The following SYK variants were observed in gnomAD, a reference collection of about 807,000 sequenced individuals.
SYK encodes the protein tyrosine-protein kinase SYK.
Under a neutral mutation model 77.8 loss-of-function variants are expected in SYK, and 16 were observed. That is an observed-to-expected ratio of 0.21 (90% CI 0.14 to 0.31). The LOEUF (loss-of-function observed/expected upper bound fraction) is 0.31, where lower values mean the gene tolerates loss of function less well. SYK is among the 10% of genes least tolerant of loss of function. The pLI is 1.00. For synonymous variants in SYK, 312 were observed against 308.7 expected (o/e 1.01, Z -0.11); for missense variants, 529 against 814.4 (o/e 0.65, Z 4.26).
chr9:90,842,734 G>A (rs1366487887), intron 1 of SYK, among the ~76,000 whole-genome samples: 2 of 149,576 alleles, frequency 1.3e-5, no homozygotes, highest in East Asian at 4.0e-4. Flanking sequence ...TGGCATGCAT[G>A]TAGTGTGCAT....
At chr9:90,861,223 T>C (rs1255290314) in intron 3 of SYK, among the ~76,000 whole-genome samples, 1 of 152,092 alleles carries the variant, frequency 6.6e-6, no homozygotes, top group Admixed American at 6.5e-5. Context: ...TCCCCATGAG[T>C]CATAAGCCTT....
At chr9:90,860,103 C>T (rs905448111) in intron 3 of SYK, among the ~76,000 whole-genome samples, 11 of 152,258 alleles carry the variant, frequency 7.2e-5, no homozygotes, top group Non-Finnish European at 1.3e-4. Context: ...ATCCTCCTGC[C>T]TTGGCCTCCC....
chr9:90,844,299 A>G lies in SYK; in HGVS notation c.401A>G (p.Gln134Arg). The stretch of plus-strand genomic sequence containing the variant: ...AACCTCATCAGGGAATATGTGAAGC[A>G]GACATGGAACCTGCAGGTGGGCCAC... The part of the protein sequence containing the change: ...KENLIREYVK[Q>R]TWNLQGQALE... Residue 134 changes from glutamine to arginine, a missense_variant, in exon 2 of 14, where the codon CAG (glutamine) becomes CGG (arginine). Physicochemically the swap from Gln to Arg is conservative, Grantham distance 43. Transcript: ENST00000375754. 1 of 1,608,848 alleles carries G rather than the reference A, an allele frequency of 6.2e-7. No individual in the cohort carries two copies. The highest frequency in any genetic ancestry group is 8.5e-7 in the Non-Finnish European group (1 of 1,177,288).
intron 1 of SYK, among the ~76,000 whole-genome samples, chr9:90,832,670 TG>T (rs1351699010): frequency 6.6e-6 from 1 of 152,262 alleles, no homozygotes; most frequent in Non-Finnish European, 1.5e-5. Flanking sequence ...CAGCCTTTTT[TG>T]TCAACAATTC....
At chr9:90,875,017 G>A (rs972573693) in intron 9 of SYK, among the ~76,000 whole-genome samples, 168 bp downstream of exon 9, 1 of 151,922 alleles carries the variant, frequency 6.6e-6, no homozygotes, top group African/African-American at 2.4e-5. Context: ...ACCTTTAATG[G>A]CAAAAACTGC....
At position 90,865,061 on chromosome 9, in the gene SYK, T is replaced by C; in HGVS notation, c.810T>C (p.Phe270=). The C allele has an allele frequency of 6.2e-7, 1 of 1,614,198 alleles. No homozygotes were observed. Among genetic ancestry groups the C allele is most frequent in the Non-Finnish European group, 8.5e-7 (1 of 1,180,018 alleles). Residue 270 remains phenylalanine (F), a synonymous_variant, in exon 6 of 14, where the codon TTT becomes TTC. Transcript: ENST00000375754. ...CTCTCTAACCAGGAAATGTTAATTT[T>C]GGAGGCCGTCCACAACTTCCAGGTT... The part of the protein sequence containing the change: ...QKIGTQGNVN[F]GGRPQLPGSH...
intron 7 of SYK, among the ~76,000 whole-genome samples, chr9:90,868,190 C>T (rs936181234): frequency 3.3e-5 from 5 of 152,068 alleles, no homozygotes; most frequent in African/African-American, 7.2e-5. Context: ...ATGCAGTGTT[C>T]GAGAGGAAGA....
At chr9:90,884,885 A>G (rs1587918646) in intron 11 of SYK, among the ~76,000 whole-genome samples, 13 of 20,446 alleles carry the variant, frequency 6.4e-4, no homozygotes, top group South Asian at 4.4e-3. Flanking sequence ...ATATATACAT[A>G]TATATACATA....
rs56915407 is a variant in SYK, at chr9:90,852,910, C to T, written c.578+7316C>T. Among the ~76,000 whole-genome samples, 865 of 152,290 alleles carry T rather than the reference C, an allele frequency of 5.7e-3. 5 individuals are homozygous for T. Among genetic ancestry groups the T allele is most frequent in the African/African-American group, 0.02 (817 of 41,564 alleles). ...TTGACTGCAGGGGGAAGATGACAAA[C>T]GCAAGCTGATGTGCTGCAAAGTCTG... is the stretch of plus-strand genomic sequence containing the variant. On this transcript the variant is annotated intron_variant, in intron 3 of 13. Coordinates refer to ENST00000375754, the MANE Select transcript of SYK (RefSeq NM_003177.7).
At chr9:90,841,973 G>A (rs117984563) in intron 1 of SYK, among the ~76,000 whole-genome samples, 5,564 of 89,416 alleles carry the variant, frequency 0.062, 10 homozygotes, top group Non-Finnish European at 0.1. Flanking sequence ...TGTATGTGGA[G>A]TGTATGTAGT....
In SYK at chr9:90,878,866, A is replaced by G; in HGVS notation, c.1494A>G (p.Arg498=). 1 of 1,614,198 alleles carries G rather than the reference A, an allele frequency of 6.2e-7. No individual in the cohort carries two copies. The highest frequency in any genetic ancestry group is 8.5e-7 in the Non-Finnish European group (1 of 1,180,012). ...TTGTGCACAGAGATCTGGCTGCAAG[A>G]AATGTGTTGCTAGTTACCCAACATT... ...SNFVHRDLAA[R]NVLLVTQHYA... The change falls in exon 11 of 14, where the codon AGA becomes AGG. Residue 498 remains arginine (R), a synonymous_variant. Coordinates refer to ENST00000375754, the MANE Select transcript of SYK (RefSeq NM_003177.7).
intron 1 of SYK, among the ~76,000 whole-genome samples, chr9:90,815,393 C>T (rs922569836): frequency 2.0e-5 from 3 of 152,252 alleles, no homozygotes; most frequent in Non-Finnish European, 2.9e-5. Context: ...AACCTTGCCT[C>T]ACTCCAGGCG....
intron 1 of SYK, chr9:90,802,169 C>A (rs955727884): frequency 2.6e-5 from 4 of 152,218 alleles, no homozygotes; most frequent in Non-Finnish European, 5.9e-5. Flanking sequence ...CCGGGCACCC[C>A]AGGGCGCCCA....
Position 90,865,039 on chromosome 9 carries a change from TC to T in SYK, c.797-8del. The T allele has an allele frequency of 6.2e-7, 1 of 1,614,110 alleles. No individual in the cohort carries two copies. Among genetic ancestry groups the T allele is most frequent in the Non-Finnish European group, 8.5e-7 (1 of 1,179,950 alleles). ...TAGAGCAGTAATTGTCCATGCTCTC[TC>T]TAACCAGGAAATGTTAATTTTGGAG... On this transcript the variant is annotated splice_polypyrimidine_tract_variant and splice_region_variant and intron_variant, in intron 5 of 13. Transcript: ENST00000375754.
intron 7 of SYK, among the ~76,000 whole-genome samples, chr9:90,872,352 A>G (rs1282006200): frequency 6.6e-6 from 1 of 152,248 alleles, no homozygotes; most frequent in Non-Finnish European, 1.5e-5. Context: ...ACATCTGTTC[A>G]AGTTTTGTCT....
intron 1 of SYK, among the ~76,000 whole-genome samples, chr9:90,821,525 A>G (rs1042673242): frequency 4.6e-5 from 7 of 152,194 alleles, no homozygotes; most frequent in African/African-American, 7.2e-5. Context: ...TGAGAATAGC[A>G]TGGGAAAGAC....
At chr9:90,893,719 G>A (rs954445192) in intron 13 of SYK, among the ~76,000 whole-genome samples, 2 of 152,198 alleles carry the variant, frequency 1.3e-5, no homozygotes, top group Admixed American at 1.3e-4. Context: ...AAAATTATGG[G>A]GAGGGAAGCC....
At chr9:90,859,469 A>G (rs902436667) in intron 3 of SYK, among the ~76,000 whole-genome samples, 2 of 152,226 alleles carry the variant, frequency 1.3e-5, no homozygotes, top group African/African-American at 4.8e-5. Context: ...TTATTGCTTT[A>G]GAATACAGTA....
At chr9:90,811,824 G>A (rs1429672516) in intron 1 of SYK, among the ~76,000 whole-genome samples, 4 of 151,594 alleles carry the variant, frequency 2.6e-5, no homozygotes, top group Admixed American at 6.6e-5. Flanking sequence ...ACATGGGGGC[G>A]CTGAGGTGGG....
Sources: allele counts gnomAD v4.1 joint callset (sites outside exome capture counted in the v4.1 genomes callset), GRCh38; gene constraint gnomAD v4.1.1; transcripts MANE v1.5; gene names NCBI Gene and HGNC (gene_info 2026-07-23, HGNC 2026-07-21).